Variants in A2ML1 observed in about 807,000 individuals in gnomAD.
The protein encoded by A2ML1 is alpha-2-macroglobulin like 1, also known as alpha-2-macroglobulin-like protein 1.
A2ML1 carries 161 observed loss-of-function variants against 181.9 expected under a neutral mutation model. The observed-to-expected ratio is 0.89, with a 90% CI of 0.78 to 1.01. A2ML1 has a LOEUF of 1.01. Ranked by LOEUF, A2ML1 falls within the 50% of genes least tolerant of loss-of-function variation. The pLI is 0.00. For synonymous variants in A2ML1, 663 were observed against 666.8 expected (o/e 0.99, Z 0.09); for missense variants, 1,670 against 1,768.1 (o/e 0.94, Z 1.00).
chr12:8,880,137 G>A (rs1251948352), downstream of A2ML1, among the ~76,000 whole-genome samples: 1 of 152,198 alleles, frequency 6.6e-6, no homozygotes, highest in Admixed American at 6.5e-5. Context: ...GCCGAGGCAG[G>A]CAGATCACCT....
At chr12:8,826,019 A>G (rs1942918342) in intron 3 of A2ML1, among the ~76,000 whole-genome samples, 1 of 152,160 alleles carries the variant, frequency 6.6e-6, no homozygotes, top group African/African-American at 2.4e-5. Context: ...AAGTCATGTA[A>G]TGTGATTCTT....
chr12:8,848,823 T>C lies in A2ML1; in HGVS notation c.1937T>C (p.Ile646Thr), dbSNP rs150488553. 464 of 1,614,168 alleles carry C rather than the reference T, an allele frequency of 2.9e-4. 2 individuals carry two copies. In the African/African-American group the frequency reaches 5.0e-3, roughly 17 times the overall value. The part of the protein sequence containing the change: ...SGPWDFPQPL[I>T]DPMPQGHSSQ... ...CCATGGGACTTTCCTCAGCCCCTCA[T>C]TGACCCAATGCCCCAAGGGCATTCG... The change falls in exon 16 of 36, where the codon ATT (isoleucine) becomes ACT (threonine). Residue 646 changes from isoleucine (I) to threonine (T), a missense_variant. Coordinates refer to ENST00000299698, the MANE Select transcript of A2ML1 (RefSeq NM_144670.6).
intron 12 of A2ML1, among the ~76,000 whole-genome samples, chr12:8,843,710 CCTTTTTTTTT>C (rs1201018561): frequency 1.5e-4 from 22 of 149,628 alleles, no homozygotes; most frequent in Admixed American, 4.1e-4. Context: ...ATTCAATATT[CCTTTTTTTTT>C]CTTTTTTTTT....
In A2ML1 at chr12:8,866,171, G is replaced by C. The variant is rs186077808; in HGVS notation, c.3718-1671G>C. Among the ~76,000 whole-genome samples the C allele has an allele frequency of 3.8e-3, 571 of 151,992 alleles. 4 individuals carry two copies. Among genetic ancestry groups the C allele is most frequent in the African/African-American group, 0.013 (540 of 41,400 alleles). On this transcript the variant is annotated intron_variant, in intron 29 of 35. Transcript: ENST00000299698. ...ATACAAAAAATTAGCCGGGCACAGT[G>C]GTGGGCGCCTGTAGTCCCAGCTACT...
rs755855472 is a variant in A2ML1 at position 8,845,501 on chromosome 12, A to G, written c.1536A>G (p.Lys512=). 1 of 1,614,172 alleles carries G rather than the reference A, an allele frequency of 6.2e-7. No homozygotes were observed. The highest frequency in any genetic ancestry group is 1.1e-5 in the South Asian group (1 of 91,088). The change falls in exon 13 of 36, where the codon AAA becomes AAG. Residue 512 remains lysine, a splice_region_variant and synonymous_variant. Coordinates refer to ENST00000299698, the MANE Select transcript of A2ML1 (RefSeq NM_144670.6). ...EGQKHLNSKK[K]GLKASFSLSL... is the part of the protein sequence containing the mutation. Reference sequence around the variant, plus strand: ...AGAAACACCTGAACTCTAAGAAGAAAGGTGAGTGTACATGCTTTTCCCGGA... The same window carrying G: ...AGAAACACCTGAACTCTAAGAAGAAGGGTGAGTGTACATGCTTTTCCCGGA...
In A2ML1 at chr12:8,849,004, C is replaced by T; in HGVS notation, c.2028+90C>T. 5.1e-6 allele frequency: 7 copies of T among 1,384,012 alleles called. No individual in the cohort carries two copies. The South Asian group carries it at 7.0e-5, about 14-fold the overall frequency. 85.7% of individuals were successfully genotyped at this position (1,384,012 alleles called of 1,614,324 possible). A position where few individuals can be genotyped will look rare whatever the true frequency, so the allele number is the denominator to read the frequency against. On this transcript the variant is annotated intron_variant, in intron 16 of 35. Transcript: ENST00000299698. ...TCATATCTAAGAAAGCAGAGAGACTCATATGGGCACTGATGGGAACAAAAT... is the reference window on the plus strand; with the variant it reads ...TCATATCTAAGAAAGCAGAGAGACTTATATGGGCACTGATGGGAACAAAAT...
Position 8,868,622 on chromosome 12 carries a change from CAGTT to C in A2ML1, c.4151_4152+2del, listed in dbSNP as rs752502529. ...GTTCAGTCCCATGGAGGGCACCAATCAGTTAGTAAGTTACTTCTGTTTTCTTCAT... is the reference window on the plus strand; with the variant it reads ...GTTCAGTCCCATGGAGGGCACCAATCAGTAAGTTACTTCTGTTTTCTTCAT... On this transcript the variant is annotated frameshift_variant and splice_region_variant, in exon 32 of 36. Coordinates refer to ENST00000299698, the MANE Select transcript of A2ML1 (RefSeq NM_144670.6). LOFTEE classifies it high-confidence loss of function. 1.9e-6 allele frequency: 3 copies of C among 1,613,496 alleles called. No individual in the cohort carries two copies. Among genetic ancestry groups the C allele is most frequent in the South Asian group, 2.2e-5 (2 of 91,000 alleles).
chr12:8,873,814 C>G (rs1314710443), intron 33 of A2ML1, among the ~76,000 whole-genome samples: 1 of 152,034 alleles, frequency 6.6e-6, no homozygotes, highest in East Asian at 1.9e-4. Context: ...CTCTGTTTCT[C>G]TGGCCACTTT....
At position 8,861,131 on chromosome 12, in the gene A2ML1, T is replaced by C; in HGVS notation, c.3340-4T>C. 6.2e-7 allele frequency: 1 copy of C among 1,614,118 alleles called. No individual in the cohort carries two copies. The highest frequency in any genetic ancestry group is 8.5e-7 in the Non-Finnish European group (1 of 1,180,000). ...AAGTTATAGTCTTCATCTTCACTTT[T>C]TAGGACCCAATGGTGAGTCAGGGTC... On this transcript the variant is annotated splice_region_variant and splice_polypyrimidine_tract_variant and intron_variant, in intron 27 of 35. Coordinates refer to ENST00000299698, the MANE Select transcript of A2ML1 (RefSeq NM_144670.6).
chr12:8,852,267 C>G lies in A2ML1; in HGVS notation c.2521C>G (p.Gln841Glu). 1 of 1,614,180 alleles carries G rather than the reference C, an allele frequency of 6.2e-7. No individual in the cohort carries two copies. Among genetic ancestry groups the G allele is most frequent in the Non-Finnish European group, 8.5e-7 (1 of 1,180,026 alleles). Residue 841 changes from glutamine (Q) to glutamate (E), a missense_variant, in exon 20 of 36, where the codon CAG becomes GAG. Transcript: ENST00000299698. This position sits in a 1 kb window ranked among gnomAD's most constrained non-coding sequence, Gnocchi z 4.2. ...EYQLESWADS[Q>E]TSSCLCADDA... The stretch of plus-strand genomic sequence containing the variant: ...CCAGCTAGAATCATGGGCAGATTCT[C>G]AGACCTCCAGTTGTCTCTGTGCTGA...
At chr12:8,823,658 G>A (rs961243857) in intron 2 of A2ML1, 62 bp from the exon 3 acceptor site, 82 of 1,558,838 alleles carry the variant, frequency 5.3e-5, no homozygotes, top group Non-Finnish European at 6.9e-5. Flanking sequence ...GTTGGGTTGA[G>A]ACCAGTTGAT....
intron 10 of A2ML1, among the ~76,000 whole-genome samples, chr12:8,840,970 GGAAGGAAA>G (rs1392031569): frequency 1.0e-4 from 14 of 139,600 alleles, no homozygotes; most frequent in African/African-American, 2.4e-4. Context: ...AAGGAAAGAA[GGAAGGAAA>G]GAAGGAAGGA....
Position 8,861,884 on chromosome 12 carries a change from C to A in A2ML1, c.3502+587C>A, listed in dbSNP as rs144296637. ...AAGCAACTCTCCTGCCTCAGCCTCC[C>A]GAGTAGATGGGATTACAGGTGTGTG... is the stretch of plus-strand genomic sequence containing the variant. On this transcript the variant is annotated intron_variant, in intron 28 of 35. Transcript: ENST00000299698. Among the ~76,000 whole-genome samples the A allele has an allele frequency of 3.9e-3, 598 of 152,224 alleles. 4 individuals are homozygous for A. The highest frequency in any genetic ancestry group is 0.014 in the African/African-American group (566 of 41,536).
In A2ML1 at chr12:8,838,335, G is replaced by T; in HGVS notation, c.856-1G>T. 6.2e-7 allele frequency: 1 copy of T among 1,611,432 alleles called. No homozygotes were observed. The highest frequency in any genetic ancestry group is 1.1e-5 in the South Asian group (1 of 90,748). The stretch of plus-strand genomic sequence containing the variant: ...ATCTCTGTCTCTGATCACCTCACTA[G>T]ACTGACAAAACAGGATGTTTCTCAG... On this transcript the variant is annotated splice_acceptor_variant, in intron 8 of 35. Transcript: ENST00000299698. LOFTEE classifies it high-confidence loss of function.
At chr12:8,838,914 TAA>T (rs11314317) in intron 9 of A2ML1, among the ~76,000 whole-genome samples, 197 bp from the exon 10 acceptor site, 108 of 110,666 alleles carry the variant, frequency 9.8e-4, no homozygotes, top group African/African-American at 2.5e-3. Context: ...GACTCCATCT[TAA>T]AAAAAAAAAA....
chr12:8,869,937 C>T (rs1246957461), intron 33 of A2ML1, among the ~76,000 whole-genome samples: 2 of 152,110 alleles, frequency 1.3e-5, no homozygotes, highest in African/African-American at 2.4e-5. Context: ...TATAGCTATT[C>T]CTATCATTTT....
At chr12:8,880,276 G>T (rs1944858018), downstream of A2ML1, among the ~76,000 whole-genome samples, 1 of 152,206 alleles carries the variant, frequency 6.6e-6, no homozygotes, top group Non-Finnish European at 1.5e-5. Flanking sequence ...TGAGGCATGA[G>T]AATTGCTTGC....
In A2ML1 at chr12:8,840,085, C is replaced by T. The variant is rs189829101; in HGVS notation, c.1080+863C>T. 1.5e-3 allele frequency among the ~76,000 whole-genome samples: 231 copies of T among 151,992 alleles called. 2 individuals carry two copies. The highest frequency in any genetic ancestry group is 5.5e-3 in the African/African-American group (227 of 41,494). ...AGAGATTTTAAAATTTCCGGCAGGG[C>T]GTGGTGGCTCACGTCTGCAGTCCTA... On this transcript the variant is annotated intron_variant, in intron 10 of 35. Transcript: ENST00000299698.
chr12:8,857,164 G>C lies in A2ML1; in HGVS notation c.2849G>C (p.Gly950Ala), dbSNP rs267603716. The change falls in exon 24 of 36, where the codon GGA (glycine) becomes GCA (alanine). Residue 950 changes from glycine (G) to alanine (A), a missense_variant and splice_region_variant. Gly to Ala is a moderately conservative substitution (Grantham distance 60, BLOSUM62 0). Coordinates refer to ENST00000299698, the MANE Select transcript of A2ML1 (RefSeq NM_144670.6). ...TTCTCTCTCTCCTTTTGGATCCCAG[G>C]AGACATTATGGGCACAGCCCTGCAG... ...DSTKAYVTVL[G>A]DIMGTALQNL... 1.2e-6 allele frequency: 2 copies of C among 1,610,918 alleles called. No homozygotes were observed. Among genetic ancestry groups the C allele is most frequent in the Non-Finnish European group, 1.7e-6 (2 of 1,179,102 alleles).
Sources: allele counts gnomAD v4.1 joint callset (sites outside exome capture counted in the v4.1 genomes callset), GRCh38; gene constraint gnomAD v4.1.1; non-coding constraint Gnocchi (gnomAD v3.1); transcripts MANE v1.5; gene names NCBI Gene and HGNC (gene_info 2026-07-23, HGNC 2026-07-21).